Variants in THRB observed in about 807,000 individuals in gnomAD.
THRB encodes thyroid hormone receptor beta, also known as nuclear receptor subfamily 1 group A member 2.
THRB carries 12 observed loss-of-function variants against 47.8 expected under a neutral mutation model. The observed-to-expected ratio is 0.25, with a 90% CI of 0.16 to 0.41. THRB has a LOEUF of 0.41. Ranked by LOEUF, THRB falls within the 10% of genes least tolerant of loss-of-function variation. THRB has a pLI of 1.00. For synonymous variants in THRB, 218 were observed against 212.2 expected, an observed-to-expected ratio of 1.03 and a Z score of -0.24; for missense variants, 348 against 589.2, an observed-to-expected ratio of 0.59 and a Z score of 4.24.
chr3:24,305,329 AT>A (rs1226033735), intron 2 of THRB, among the ~76,000 whole-genome samples: 1 of 152,176 alleles, frequency 6.6e-6, no homozygotes, highest in Non-Finnish European at 1.5e-5. Flanking sequence ...TGTGAAAACC[AT>A]TGCTGTAGAG....
intron 2 of THRB, among the ~76,000 whole-genome samples, chr3:24,314,136 A>AT (rs1576762453): frequency 6.6e-6 from 1 of 152,202 alleles, no homozygotes; most frequent in East Asian, 1.9e-4. Flanking sequence ...CTAATGATAG[A>AT]TTTTTATCTC....
intron 5 of THRB, among the ~76,000 whole-genome samples, chr3:24,173,146 G>A (rs1025258912): frequency 1.3e-5 from 2 of 152,128 alleles, no homozygotes; most frequent in Admixed American, 1.3e-4. Context: ...AACTCTGGGG[G>A]GTGGGGACAG....
intron 5 of THRB, among the ~76,000 whole-genome samples, chr3:24,173,720 T>C (rs2040756129): frequency 6.6e-6 from 1 of 152,224 alleles, no homozygotes. Flanking sequence ...TCATCTGTCT[T>C]TTACAATTGG....
chr3:24,156,754 T>A (rs1316542317), intron 5 of THRB, among the ~76,000 whole-genome samples: 1 of 152,206 alleles, frequency 6.6e-6, no homozygotes, highest in Non-Finnish European at 1.5e-5. Context: ...GTCACTAGCA[T>A]GCTTAGTCAC....
chr3:24,174,109 T>A (rs1238453277), intron 5 of THRB, among the ~76,000 whole-genome samples: 5 of 152,282 alleles, frequency 3.3e-5, no homozygotes, highest in Non-Finnish European at 5.9e-5. Context: ...CCATGGTGGT[T>A]TGCTGCACCT....
chr3:24,451,022 T>A (rs1359625053), intron 1 of THRB, among the ~76,000 whole-genome samples: 1 of 152,176 alleles, frequency 6.6e-6, no homozygotes, highest in African/African-American at 2.4e-5. Flanking sequence ...AAATTTGGTT[T>A]CCCACACCCA....
Position 24,393,828 on chromosome 3 carries a change from G to C in THRB, c.-260-56457C>G, listed in dbSNP as rs148761606. ...ATAATGTAGGAGATGGATCTGATGT[G>C]TCCAGTGGTAAATCCAATGTCCATT... is the stretch of plus-strand genomic sequence containing the variant. On this transcript the variant is annotated intron_variant, in intron 1 of 10. Transcript: ENST00000646209. Among the ~76,000 whole-genome samples the C allele has an allele frequency of 5.4e-3, 828 of 152,244 alleles. 11 individuals are homozygous for C. Among genetic ancestry groups the C allele is most frequent in the African/African-American group, 0.019 (769 of 41,564 alleles).
At chr3:24,425,521 T>A (rs1466718360) in intron 1 of THRB, among the ~76,000 whole-genome samples, 5 of 151,982 alleles carry the variant, frequency 3.3e-5, no homozygotes, top group East Asian at 3.9e-4. Flanking sequence ...AAAAATATCA[T>A]AAATACTCAA....
intron 3 of THRB, among the ~76,000 whole-genome samples, chr3:24,260,246 A>T (rs901602650): frequency 6.6e-6 from 1 of 152,208 alleles, no homozygotes; most frequent in Non-Finnish European, 1.5e-5. Context: ...TCGGTGAGTC[A>T]CACTTTATCT....
chr3:24,405,892 A>G (rs2067785678), intron 1 of THRB, among the ~76,000 whole-genome samples: 2 of 151,558 alleles, frequency 1.3e-5, no homozygotes, highest in Non-Finnish European at 3.0e-5. Context: ...ATTAAATGTC[A>G]TCTTCCAAAT....
At chr3:24,436,414 A>T (rs1197621638) in intron 1 of THRB, among the ~76,000 whole-genome samples, 1 of 152,116 alleles carries the variant, frequency 6.6e-6, no homozygotes, top group Non-Finnish European at 1.5e-5. Context: ...GCACGACTTG[A>T]TCATGAAAGA....
intron 1 of THRB, among the ~76,000 whole-genome samples, chr3:24,386,346 C>T (rs1343944234): frequency 6.6e-6 from 1 of 152,094 alleles, no homozygotes; most frequent in East Asian, 1.9e-4. Context: ...CCTCTCTGCC[C>T]AACCACCTCT....
At chr3:24,380,344 G>T (rs556932668) in intron 1 of THRB, among the ~76,000 whole-genome samples, 6 of 151,622 alleles carry the variant, frequency 4.0e-5, no homozygotes, top group South Asian at 4.2e-4. Flanking sequence ...TTATAATTTG[G>T]TGCCTCCTTA....
chr3:24,406,253 T>A lies in THRB; in HGVS notation c.-260-68882A>T, dbSNP rs28735008. 6.1e-3 allele frequency among the ~76,000 whole-genome samples: 928 copies of A among 151,850 alleles called. 10 individuals carry two copies. The highest frequency in any genetic ancestry group is 0.021 in the African/African-American group (864 of 41,518). Reference sequence around the variant, plus strand: ...TTCTCATTTTGAAATATATAGAGAATTTTATAATTAAGTGGATATTTAATC... The same window carrying A: ...TTCTCATTTTGAAATATATAGAGAAATTTATAATTAAGTGGATATTTAATC... On this transcript the variant is annotated intron_variant, in intron 1 of 10. Transcript: ENST00000646209.
chr3:24,261,165 C>A (rs1406896150), intron 3 of THRB, among the ~76,000 whole-genome samples: 1 of 107,898 alleles, frequency 9.3e-6, no homozygotes, highest in Non-Finnish European at 1.8e-5. Flanking sequence ...CTTTACTTGG[C>A]CATCCTGTCA....
chr3:24,369,112 C>A (rs1296761336), intron 1 of THRB, among the ~76,000 whole-genome samples: 3 of 152,108 alleles, frequency 2.0e-5, no homozygotes, highest in Non-Finnish European at 4.4e-5. Flanking sequence ...AGCAATCCTC[C>A]CTCCTCAGCC....
chr3:24,417,139 C>CGT (rs367902712), intron 1 of THRB, among the ~76,000 whole-genome samples: 12 of 74,284 alleles, frequency 1.6e-4, no homozygotes, highest in African/African-American at 4.2e-4. Context: ...CACACACACA[C>CGT]GCGCAACGCG....
chr3:24,157,345 G>A (rs75833225), intron 5 of THRB, among the ~76,000 whole-genome samples: 137 of 152,076 alleles, frequency 9.0e-4, no homozygotes, highest in Non-Finnish European at 1.4e-3. Flanking sequence ...GTGGGCGGAG[G>A]AGGGGCGAGC....
chr3:24,336,265 TACA>T (rs1311134620), intron 2 of THRB, among the ~76,000 whole-genome samples: 1 of 152,186 alleles, frequency 6.6e-6, no homozygotes, highest in Non-Finnish European at 1.5e-5. Context: ...TAGCACTGGT[TACA>T]ATCAGATAGC....
Sources: gnomAD v4.1 joint callset for allele counts (sites outside exome capture counted in the v4.1 genomes callset) on GRCh38, gnomAD v4.1.1 for gene constraint, MANE v1.5 for transcripts, NCBI Gene and HGNC (gene_info 2026-07-23, HGNC 2026-07-21) for gene names.